The following EYA1 variants were observed in gnomAD, a reference collection of about 807,000 sequenced individuals.
The protein encoded by EYA1 is protein phosphatase EYA1.
EYA1 carries 16 observed loss-of-function variants against 82.0 expected under a neutral mutation model. The ratio of observed to expected loss-of-function variants is 0.20; its 90% CI spans 0.13 to 0.30. The LOEUF is 0.30. Among genes scored for constraint, EYA1 ranks in the 10% least tolerant of loss-of-function variants. The pLI, the probability that EYA1 is intolerant of heterozygous loss-of-function variation, is 1.00. For missense variants in EYA1, 633 were observed against 730.7 expected (o/e 0.87, Z 1.54); for synonymous variants, 261 against 264.4 (o/e 0.99, Z 0.12).
chr8:71,236,649 G>T (rs1291698684), intron 12 of EYA1, among the ~76,000 whole-genome samples: 1 of 152,134 alleles, frequency 6.6e-6, no homozygotes, highest in Non-Finnish European at 1.5e-5. Flanking sequence ...CTACAGTTGT[G>T]TGACCTTAGA....
chr8:71,352,625 C>CAAAA (rs1441783666), intron 3 of EYA1, among the ~76,000 whole-genome samples: 1 of 152,048 alleles, frequency 6.6e-6, no homozygotes, highest in East Asian at 1.9e-4. Context: ...AGACATAAAA[C>CAAAA]AATTAAGTTT....
intron 9 of EYA1, among the ~76,000 whole-genome samples, chr8:71,297,102 A>C (rs548973570): frequency 6.6e-6 from 1 of 152,154 alleles, no homozygotes; most frequent in African/African-American, 2.4e-5. Context: ...ACTCATTCCT[A>C]TTCTTTTCCC....
chr8:71,233,594 C>G (rs905072685), intron 12 of EYA1, among the ~76,000 whole-genome samples: 3 of 151,518 alleles, frequency 2.0e-5, no homozygotes, highest in Non-Finnish European at 2.9e-5. Flanking sequence ...AAAAAGAAAG[C>G]CTTTGTTTTC....
chr8:71,453,118 C>G (rs532908988), intron 2 of EYA1, among the ~76,000 whole-genome samples: 1 of 152,046 alleles, frequency 6.6e-6, no homozygotes, highest in African/African-American at 2.4e-5. Context: ...AACTACGTGA[C>G]GAATGCACAA....
intron 7 of EYA1, among the ~76,000 whole-genome samples, chr8:71,306,450 G>T (rs1450098718): frequency 3.9e-5 from 6 of 152,064 alleles, no homozygotes; most frequent in East Asian, 1.9e-4. Flanking sequence ...ATTGCCGGGG[G>T]TGGGGGAAAA....
At chr8:71,210,125 A>AGTCAC (rs1475687953) in intron 17 of EYA1, among the ~76,000 whole-genome samples, 1 of 152,208 alleles carries the variant, frequency 6.6e-6, no homozygotes, top group Non-Finnish European at 1.5e-5. Context: ...ACTTGTTCAA[A>AGTCAC]GTCACAGGAA....
At chr8:71,222,309 T>A (rs1465820347) in intron 12 of EYA1, among the ~76,000 whole-genome samples, 1 of 146,948 alleles carries the variant, frequency 6.8e-6, no homozygotes, top group African/African-American at 2.6e-5. Context: ...TACAGATAGA[T>A]TATGTGGAAG....
intron 2 of EYA1, among the ~76,000 whole-genome samples, chr8:71,497,116 G>A (rs1811471041): frequency 1.3e-5 from 2 of 152,134 alleles, no homozygotes. Flanking sequence ...CTAAAGCTGG[G>A]GTGTCCAATC....
intron 2 of EYA1, among the ~76,000 whole-genome samples, chr8:71,486,509 G>A (rs1810581808): frequency 6.6e-6 from 1 of 152,208 alleles, no homozygotes; most frequent in South Asian, 2.1e-4. Context: ...CTCCTCTTGG[G>A]AGAAGCAGTG....
intron 2 of EYA1, among the ~76,000 whole-genome samples, chr8:71,371,640 T>A (rs1180184138): frequency 7.2e-5 from 11 of 151,992 alleles, no homozygotes; most frequent in Admixed American, 7.2e-4. Flanking sequence ...TCGAGAAATG[T>A]AGAAACCAAA....
intron 2 of EYA1, among the ~76,000 whole-genome samples, chr8:71,481,597 T>C (rs1298493672): frequency 6.6e-6 from 1 of 152,178 alleles, no homozygotes. Flanking sequence ...TTTTGCTTTG[T>C]GGTATTGATA....
At position 71,253,215 on chromosome 8, in the gene EYA1, T is replaced by C. The variant is rs75526969; in HGVS notation, c.1051-8523A>G. The stretch of plus-strand genomic sequence containing the variant: ...CATAAAATATCAGCTACCATAATAC[T>C]AAAGAGAAGTAGAGTCTTCCAGTAT... On this transcript the variant is annotated intron_variant, in intron 11 of 17. Transcript: ENST00000340726. 1.1e-3 allele frequency among the ~76,000 whole-genome samples: 168 copies of C among 152,264 alleles called. 4 individuals carry two copies. In the East Asian group the frequency reaches 0.028, roughly 25 times the overall value.
chr8:71,224,643 C>T (rs1372065778), intron 12 of EYA1, among the ~76,000 whole-genome samples: 3 of 152,218 alleles, frequency 2.0e-5, no homozygotes, highest in Non-Finnish European at 2.9e-5. Context: ...GACAAACTCA[C>T]ATAAATTGTC....
chr8:71,394,499 T>C (rs1829468817), intron 2 of EYA1, among the ~76,000 whole-genome samples: 1 of 152,300 alleles, frequency 6.6e-6, no homozygotes, highest in South Asian at 2.1e-4. Flanking sequence ...CAGTTTCAGC[T>C]TTCTACATAG....
intron 9 of EYA1, among the ~76,000 whole-genome samples, chr8:71,297,749 A>C (rs1819748730): frequency 6.6e-6 from 1 of 152,178 alleles, no homozygotes; most frequent in Admixed American, 6.5e-5. Context: ...ATTTGTCTTC[A>C]GTGTCATTAT....
chr8:71,407,914 T>A (rs1830354545), intron 2 of EYA1, among the ~76,000 whole-genome samples: 1 of 147,076 alleles, frequency 6.8e-6, no homozygotes, highest in Non-Finnish European at 1.5e-5. Flanking sequence ...CCAAGACACG[T>A]AATTGTCAGA....
At chr8:71,397,054 G>T (rs1265279451) in intron 2 of EYA1, among the ~76,000 whole-genome samples, 1 of 152,114 alleles carries the variant, frequency 6.6e-6, no homozygotes, top group East Asian at 1.9e-4. Context: ...GGCCTTCTTT[G>T]TCTCTTTTGA....
chr8:71,395,294 G>T lies in EYA1; in HGVS notation c.34-38783C>A, dbSNP rs188431800. On this transcript the variant is annotated intron_variant, in intron 2 of 18. Coordinates refer to the EYA1 transcript ENST00000643681. ...TGAATAACCTTTATTTCTTTCTCTTGCCTGATTGCCCTGGCCAGAACTTCC... is the reference window on the plus strand; with the variant it reads ...TGAATAACCTTTATTTCTTTCTCTTTCCTGATTGCCCTGGCCAGAACTTCC... Among the ~76,000 whole-genome samples, 697 of 152,220 alleles carry T rather than the reference G, an allele frequency of 4.6e-3. 1 individual carries two copies. Among genetic ancestry groups the T allele is most frequent in the Non-Finnish European group, 7.4e-3 (504 of 68,018 alleles).
At chr8:71,393,696 T>C (rs1157152788) in intron 2 of EYA1, among the ~76,000 whole-genome samples, 1 of 152,222 alleles carries the variant, frequency 6.6e-6, no homozygotes, top group African/African-American at 2.4e-5. Flanking sequence ...AGTCTATCAC[T>C]GATGGACATT....
Sources: gnomAD v4.1 joint callset for allele counts (sites outside exome capture counted in the v4.1 genomes callset) on GRCh38, gnomAD v4.1.1 for gene constraint, MANE v1.5 for transcripts, NCBI Gene and HGNC (gene_info 2026-07-23, HGNC 2026-07-21) for gene names.